RIMS2: variants seen among roughly 807,000 people sequenced by gnomAD.
The protein encoded by RIMS2 is regulating synaptic membrane exocytosis protein 2.
A neutral mutation model predicts 174.4 loss-of-function variants in RIMS2; 59 were observed. The observed-to-expected ratio is 0.34, with a 90% CI of 0.27 to 0.42. The LOEUF (loss-of-function observed/expected upper bound fraction) is 0.42. Among genes scored for constraint, RIMS2 ranks in the 10% least tolerant of loss-of-function variants. The pLI is 1.00. For missense variants in RIMS2, 1,620 were observed against 1,666.3 expected, an observed-to-expected ratio of 0.97 and a Z score of 0.48; for synonymous variants, 606 against 572.5, an observed-to-expected ratio of 1.06 and a Z score of -0.84.
At chr8:104,059,047 T>C (rs1243283216) in intron 19 of RIMS2, among the ~76,000 whole-genome samples, 1 of 151,566 alleles carries the variant, frequency 6.6e-6, no homozygotes, top group Non-Finnish European at 1.5e-5. Flanking sequence ...GACTTGGTGA[T>C]GTGGGCTCTT....
intron 3 of RIMS2, among the ~76,000 whole-genome samples, chr8:103,774,231 ATAAT>A (rs2098285632): frequency 6.6e-6 from 1 of 152,244 alleles, no homozygotes; most frequent in Non-Finnish European, 1.5e-5. Flanking sequence ...CAATAAATAA[ATAAT>A]AAACTGGTCT....
At chr8:103,697,977 G>T (rs1433667340) in intron 2 of RIMS2, among the ~76,000 whole-genome samples, 1 of 128,154 alleles carries the variant, frequency 7.8e-6, no homozygotes, top group Non-Finnish European at 1.7e-5. Context: ...TGTCTCAAAA[G>T]AAAAAAATTT....
At chr8:104,121,028 T>C (rs1566535212) in intron 19 of RIMS2, among the ~76,000 whole-genome samples, 1 of 152,126 alleles carries the variant, frequency 6.6e-6, no homozygotes, top group Non-Finnish European at 1.5e-5. Flanking sequence ...TTCTCTCTCT[T>C]TTTTTTCTCT....
intron 17 of RIMS2, among the ~76,000 whole-genome samples, chr8:103,990,366 T>C (rs2094604656): frequency 6.6e-6 from 1 of 152,140 alleles, no homozygotes; most frequent in African/African-American, 2.4e-5. Flanking sequence ...TAGTCTTCAA[T>C]AGTGTCTAAC....
intron 3 of RIMS2, among the ~76,000 whole-genome samples, chr8:103,832,716 C>G (rs2098833460): frequency 6.6e-6 from 1 of 152,160 alleles, no homozygotes; most frequent in Non-Finnish European, 1.5e-5. Flanking sequence ...GACATGATCT[C>G]ATTCTTTTTT....
intron 3 of RIMS2, among the ~76,000 whole-genome samples, chr8:103,816,642 G>A (rs1482298161): frequency 6.6e-6 from 1 of 152,172 alleles, no homozygotes; most frequent in Middle Eastern, 3.2e-3. Context: ...AGTAGGGGCA[G>A]GTGAAAGGGT....
At position 103,611,509 on chromosome 8, in the gene RIMS2, C is replaced by T. The variant is rs531360879; in HGVS notation, c.177-85577C>T. On this transcript the variant is annotated intron_variant, in intron 1 of 23. Transcript: ENST00000504942. Reference sequence around the variant, plus strand: ...ATAGGTCTAGTGTTGATGCATCCCTCAGCCTTTGTTTGTGTTGGGAGGAAT... The same window carrying T: ...ATAGGTCTAGTGTTGATGCATCCCTTAGCCTTTGTTTGTGTTGGGAGGAAT... Among the ~76,000 whole-genome samples, 53 of 151,062 alleles carry T rather than the reference C, an allele frequency of 3.5e-4. No individual in the cohort carries two copies. In the South Asian group the frequency reaches 0.011, roughly 31 times the overall value.
chr8:103,772,633 A>T (rs545010879), intron 3 of RIMS2, among the ~76,000 whole-genome samples: 1 of 152,276 alleles, frequency 6.6e-6, no homozygotes, highest in Non-Finnish European at 1.5e-5. Flanking sequence ...ATTAAAATAG[A>T]AATGTTTGAA....
chr8:104,248,913 T>TC (rs1563995464), intron 21 of RIMS2, 100 bp downstream of exon 27: 14 of 538,202 alleles, frequency 2.6e-5, no homozygotes, highest in African/African-American at 7.2e-5. Context: ...CTCTCTCTCT[T>TC]TCCCTCTCTC....
At chr8:104,100,337 G>GT (rs2097848224) in intron 19 of RIMS2, among the ~76,000 whole-genome samples, 1 of 152,132 alleles carries the variant, frequency 6.6e-6, no homozygotes, top group African/African-American at 2.4e-5. Flanking sequence ...AGCTGTAATA[G>GT]TTTTTTGTTG....
chr8:104,211,058 C>G (rs774188436), intron 19 of RIMS2, among the ~76,000 whole-genome samples: 1 of 152,190 alleles, frequency 6.6e-6, no homozygotes, highest in African/African-American at 2.4e-5. Flanking sequence ...ACTAGAGACA[C>G]ACACCCAAAA....
chr8:103,585,220 AT>A (rs1414099157), intron 1 of RIMS2, among the ~76,000 whole-genome samples: 1 of 152,214 alleles, frequency 6.6e-6, no homozygotes, highest in Non-Finnish European at 1.5e-5. Flanking sequence ...AATGGCGATT[AT>A]TAAAAAGTCA....
In RIMS2 at chr8:103,708,054, T is replaced by G. The variant is rs2097255443; in HGVS notation, c.387+10758T>G. ...GTATTGCCTGAAGTCGGGAGAGGAG[T>G]GATGCAGGCATTCTCTAATGGATAC... is the stretch of plus-strand genomic sequence containing the variant. On this transcript the variant is annotated intron_variant, in intron 2 of 23. Transcript: ENST00000504942. Among the ~76,000 whole-genome samples, 2 of 151,962 alleles carry G rather than the reference T, an allele frequency of 1.3e-5. 1 individual carries two copies. The highest frequency in any genetic ancestry group is 2.9e-5 in the Non-Finnish European group (2 of 68,012).
chr8:104,180,744 A>G lies in RIMS2; in HGVS notation c.3335-64172A>G, dbSNP rs184149236. Among the ~76,000 whole-genome samples, 27 of 151,862 alleles carry G rather than the reference A, an allele frequency of 1.8e-4. No homozygotes were observed. The East Asian group carries it at 3.9e-3, about 22-fold the overall frequency. On this transcript the variant is annotated intron_variant, in intron 19 of 23. Coordinates refer to ENST00000504942, the Ensembl canonical transcript of RIMS2. Reference sequence around the variant, plus strand: ...TAATATGACATTGGATCTTTTGCCAATCTAAAATCTTTTTCCAGCTATCAA... The same window carrying G: ...TAATATGACATTGGATCTTTTGCCAGTCTAAAATCTTTTTCCAGCTATCAA...
intron 2 of RIMS2, among the ~76,000 whole-genome samples, chr8:103,758,087 C>A (rs1316976069): frequency 5.9e-5 from 9 of 152,154 alleles, no homozygotes; most frequent in Admixed American, 5.9e-4. Flanking sequence ...TTTCCCCCTT[C>A]TGTAATATTT....
At position 104,150,553 on chromosome 8, in the gene RIMS2, G is replaced by T. The variant is rs190314377; in HGVS notation, c.3335-94363G>T. The stretch of plus-strand genomic sequence containing the variant: ...TCCTGGAGATGATGCCTCATCAGAG[G>T]TGTCATCTCAGTGACTCAAGTGGCT... On this transcript the variant is annotated intron_variant, in intron 19 of 23. Transcript: ENST00000504942. Among the ~76,000 whole-genome samples, 11 of 152,240 alleles carry T rather than the reference G, an allele frequency of 7.2e-5. No individual in the cohort carries two copies. The South Asian group carries it at 2.3e-3, about 32-fold the overall frequency.
intron 8 of RIMS2, among the ~76,000 whole-genome samples, chr8:103,917,220 G>A (rs937670302): frequency 2.0e-5 from 3 of 152,140 alleles, no homozygotes; most frequent in African/African-American, 7.2e-5. Flanking sequence ...CAGATTTGGG[G>A]TAAGAGCATT....
At chr8:103,630,487 G>A (rs1159266035) in intron 1 of RIMS2, among the ~76,000 whole-genome samples, 1 of 150,588 alleles carries the variant, frequency 6.6e-6, no homozygotes, top group Non-Finnish European at 1.5e-5. Flanking sequence ...GGAAATAATA[G>A]GAGAATCACT....
At chr8:103,617,701 A>G (rs1231229399) in intron 1 of RIMS2, among the ~76,000 whole-genome samples, 5 of 152,224 alleles carry the variant, frequency 3.3e-5, no homozygotes, top group African/African-American at 1.2e-4. Flanking sequence ...AAAGAACATG[A>G]TCAGACACTT....
Sources: allele counts gnomAD v4.1 joint callset (sites outside exome capture counted in the v4.1 genomes callset), GRCh38; gene constraint gnomAD v4.1.1; transcripts MANE v1.5; gene names NCBI Gene and HGNC (gene_info 2026-07-23, HGNC 2026-07-21).